NIN: variants seen among roughly 807,000 people sequenced by gnomAD.
NIN encodes the protein ninein.
Under a neutral mutation model 257.6 loss-of-function variants are expected in NIN, and 137 were observed. That is an observed-to-expected ratio of 0.53 (90% CI 0.46 to 0.61). NIN has a LOEUF of 0.61. NIN is among the 20% of genes least tolerant of loss of function. NIN has a pLI of 0.00. For missense variants in NIN, 2,439 were observed against 2,501.2 expected, an observed-to-expected ratio of 0.98 and a Z score of 0.53; for synonymous variants, 918 against 919.8, an observed-to-expected ratio of 1.00 and a Z score of 0.04.
intron 12 of NIN, among the ~76,000 whole-genome samples, chr14:50,767,614 G>A (rs917296778): frequency 1.4e-4 from 21 of 152,044 alleles, no homozygotes; most frequent in Admixed American, 3.9e-4. Flanking sequence ...TCAGGAGATC[G>A]AGACCATCCT....
chr14:50,809,050 G>A (rs369418954), intron 3 of NIN, among the ~76,000 whole-genome samples: 14 of 152,170 alleles, frequency 9.2e-5, no homozygotes, highest in African/African-American at 1.7e-4. Flanking sequence ...GTGAAACCCC[G>A]TCTCCACTAA....
chr14:50,740,973 T>C (rs1331804500), intron 25 of NIN, among the ~76,000 whole-genome samples: 4 of 152,244 alleles, frequency 2.6e-5, no homozygotes, highest in Non-Finnish European at 5.9e-5. Context: ...CACCATAATG[T>C]GTCAGCCAGC....
intron 30 of NIN, among the ~76,000 whole-genome samples, chr14:50,724,922 G>A (rs2040353786): frequency 6.6e-6 from 1 of 152,118 alleles, no homozygotes; most frequent in South Asian, 2.1e-4. Flanking sequence ...AAACAGGACG[G>A]ATCCCACTTA....
Position 50,720,988 on chromosome 14 carries a change from T to G in NIN, c.*2475A>C, listed in dbSNP as rs530206123. The stretch of plus-strand genomic sequence containing the variant: ...TATTTTGAAGAATGCTATTGTAAAG[T>G]TTGAAACAAGATCTAAACATTTTTA... On this transcript the variant is annotated 3_prime_UTR_variant, in exon 31 of 31. Transcript: ENST00000530997. 5.2e-6 allele frequency: 1 copy of G among 190,968 alleles called. No homozygotes were observed. Among genetic ancestry groups the G allele is most frequent in the East Asian group, 8.4e-5 (1 of 11,836 alleles). 11.8% of individuals were successfully genotyped at this position (190,968 alleles called of 1,614,324 possible).
chr14:50,791,790 A>AAC (rs1430018065), intron 5 of NIN, among the ~76,000 whole-genome samples: 1 of 104,840 alleles, frequency 9.5e-6, no homozygotes, highest in Non-Finnish European at 2.1e-5. Flanking sequence ...GACCACAATG[A>AAC]ACACACAGGT....
In NIN at chr14:50,778,824, A is replaced by G. The variant is rs1290111627; in HGVS notation, c.436-20T>C. 3.7e-6 allele frequency: 6 copies of G among 1,613,544 alleles called. No individual in the cohort carries two copies. In the African/African-American group the frequency reaches 8.0e-5, roughly 22 times the overall value. ...CCAGTGCTAGAGAAGGCAAGAGAAG[A>G]TTAGTGTGCTTTAGAACTTATTCAG... On this transcript the variant is annotated intron_variant, in intron 5 of 30. Transcript: ENST00000530997.
At chr14:50,764,760 T>C (rs1312495618) in intron 14 of NIN, among the ~76,000 whole-genome samples, 10 of 152,026 alleles carry the variant, frequency 6.6e-5, no homozygotes, top group East Asian at 1.9e-4. Flanking sequence ...GTATAGAATA[T>C]GCAAATCTGT....
chr14:50,790,237 G>A (rs947530751), intron 5 of NIN, among the ~76,000 whole-genome samples: 42 of 152,032 alleles, frequency 2.8e-4, no homozygotes, highest in African/African-American at 9.7e-4. Flanking sequence ...TTTGAGTTTC[G>A]TAGAAACAAG....
In NIN at chr14:50,786,989, C is replaced by T. The variant is rs2043374970; in HGVS notation, c.435+5723G>A. Among the ~76,000 whole-genome samples the T allele has an allele frequency of 4.6e-5, 7 of 152,102 alleles. 1 individual carries two copies. The South Asian group carries it at 1.4e-3, about 31-fold the overall frequency. On this transcript the variant is annotated intron_variant, in intron 5 of 30. Coordinates refer to ENST00000530997, the MANE Select transcript of NIN (RefSeq NM_020921.4). ...GTTTGTCTTTTTTTAAGCTTTTTAA[C>T]AACCACCTCCCCATCCTCCTACCCT...
chr14:50,781,039 A>C (rs543939120), intron 5 of NIN, among the ~76,000 whole-genome samples: 12 of 152,206 alleles, frequency 7.9e-5, no homozygotes, highest in Admixed American at 2.6e-4. Flanking sequence ...AAATCAACAA[A>C]ACCATCCTGC....
At chr14:50,752,164 T>TA (rs1475230564) in intron 21 of NIN, among the ~76,000 whole-genome samples, 14 of 151,770 alleles carry the variant, frequency 9.2e-5, no homozygotes, top group Admixed American at 9.2e-4. Context: ...TATAGTTTTT[T>TA]TTTTTTATAT....
chr14:50,813,303 C>A (rs1271949932), intron 3 of NIN, among the ~76,000 whole-genome samples: 3 of 152,222 alleles, frequency 2.0e-5, no homozygotes. Flanking sequence ...CCAAGTTGTG[C>A]ATACACTGGT....
At chr14:50,817,848 T>C (rs916319190) in intron 3 of NIN, among the ~76,000 whole-genome samples, 2 of 152,038 alleles carry the variant, frequency 1.3e-5, no homozygotes, top group Non-Finnish European at 2.9e-5. Flanking sequence ...CCCGAGTAGC[T>C]AGGATTACCG....
chr14:50,754,998 C>G, intron 18 of NIN, 131 bp from the exon 19 acceptor site: 1 of 565,536 alleles, frequency 1.8e-6, no homozygotes, highest in Non-Finnish European at 3.1e-6. Context: ...TTAGTAGTCT[C>G]TTAGTATTTG....
Position 50,781,993 on chromosome 14 carries a change from A to C in NIN, c.436-3189T>G, listed in dbSNP as rs1278452993. 4.6e-5 allele frequency among the ~76,000 whole-genome samples: 7 copies of C among 151,192 alleles called. No individual in the cohort carries two copies. The East Asian group carries it at 1.3e-3, about 29-fold the overall frequency. ...AAGAAACACAGACAATTCACATAAG[A>C]AGCAACATAATTAAAAAAAAAAAAC... On this transcript the variant is annotated intron_variant, in intron 5 of 30. Coordinates refer to ENST00000530997, the MANE Select transcript of NIN (RefSeq NM_020921.4).
intron 28 of NIN, among the ~76,000 whole-genome samples, chr14:50,730,141 CTA>C (rs745402086): frequency 6.6e-6 from 1 of 152,154 alleles, no homozygotes; most frequent in Non-Finnish European, 1.5e-5. Flanking sequence ...TGTTCAATGA[CTA>C]TATTTTTTCC....
At chr14:50,738,600 C>T (rs1262066152) in intron 26 of NIN, among the ~76,000 whole-genome samples, 1 of 152,088 alleles carries the variant, frequency 6.6e-6, no homozygotes, top group East Asian at 1.9e-4. Flanking sequence ...GTCCCAGGCC[C>T]TTTTTTTCTG....
chr14:50,726,278 C>G (rs1327646895), intron 29 of NIN: 2 of 484,638 alleles, frequency 4.1e-6, no homozygotes, highest in Non-Finnish European at 7.4e-6. Flanking sequence ...ACTGAAAAAT[C>G]AAAAGAATCT....
chr14:50,802,214 C>T (rs936964664), intron 4 of NIN, among the ~76,000 whole-genome samples: 1 of 152,178 alleles, frequency 6.6e-6, no homozygotes, highest in South Asian at 2.1e-4. Flanking sequence ...TTGGAATTTA[C>T]AAAAGACTTC....
Sources: gnomAD v4.1 joint callset for allele counts (sites outside exome capture counted in the v4.1 genomes callset) on GRCh38, gnomAD v4.1.1 for gene constraint, MANE v1.5 for transcripts, NCBI Gene and HGNC (gene_info 2026-07-23, HGNC 2026-07-21) for gene names.